TOP2B: variants seen among roughly 807,000 people sequenced by gnomAD.
TOP2B encodes DNA topoisomerase 2-beta.
Under a neutral mutation model 193.5 loss-of-function variants are expected in TOP2B, and 51 were observed. The ratio of observed to expected loss-of-function variants is 0.26; its 90% CI spans 0.21 to 0.33. The LOEUF (loss-of-function observed/expected upper bound fraction) is 0.33, where lower values mean the gene tolerates loss of function less well. TOP2B is among the 10% of genes least tolerant of loss of function. The pLI, the probability that TOP2B is intolerant of heterozygous loss-of-function variation, is 1.00. For missense variants in TOP2B, 1,378 were observed against 1,909.3 expected, an observed-to-expected ratio of 0.72 and a Z score of 5.19; for synonymous variants, 634 against 635.7, an observed-to-expected ratio of 1.00 and a Z score of 0.04.
chr3:25,602,498 TA>T (rs112030237), intron 33 of TOP2B, among the ~76,000 whole-genome samples: 48,248 of 140,302 alleles, frequency 0.34, 8,692 homozygotes, highest in African/African-American at 0.49. Context: ...AGACTTTGTT[TA>T]AAAAAAAAAA....
chr3:25,620,685 T>C lies in TOP2B; in HGVS notation c.2859A>G (p.Thr953=). 1 of 1,612,092 alleles carries C rather than the reference T, an allele frequency of 6.2e-7. No individual in the cohort carries two copies. The highest frequency in any genetic ancestry group is 8.5e-7 in the Non-Finnish European group (1 of 1,178,948). The change falls in exon 22 of 36, where the codon ACA becomes ACG. Residue 953 remains threonine, a synonymous_variant. Coordinates refer to ENST00000264331, the MANE Select transcript of TOP2B (RefSeq NM_001330700.2). ...EITELPVRTW[T]QVYKEQVLEP... is the part of the protein sequence containing the mutation. ...CAGATCACATATTTACACTGACCTG[T>C]GTCCAAGTTCTAACTGGAAGCTCTG...
In TOP2B at chr3:25,599,329, G is replaced by A. The variant is rs143364964; in HGVS notation, c.4710+106C>T. ...TACAAGCCCCATATTGATACGAGATGCTAGGTGGAAAGCTGTTCCAGGACT... is the reference window on the plus strand; with the variant it reads ...TACAAGCCCCATATTGATACGAGATACTAGGTGGAAAGCTGTTCCAGGACT... On this transcript the variant is annotated intron_variant, in intron 35 of 35. Coordinates refer to ENST00000264331, the MANE Select transcript of TOP2B (RefSeq NM_001330700.2). The A allele has an allele frequency of 5.5e-4, 507 of 928,978 alleles. No homozygotes were observed. In the African/African-American group the frequency reaches 7.7e-3, roughly 14 times the overall value. The allele number at this position is 928,978 out of a possible 1,614,324, so 57.5% of individuals were successfully genotyped here. A position where few individuals can be genotyped will look rare whatever the true frequency, so the allele number is the denominator to read the frequency against.
chr3:25,614,533 A>C (rs894347045), intron 27 of TOP2B, among the ~76,000 whole-genome samples: 1 of 152,102 alleles, frequency 6.6e-6, no homozygotes, highest in South Asian at 2.1e-4. Context: ...CAGCTAATTT[A>C]CCACACTTGT....
chr3:25,612,754 GA>G (rs1445376434), intron 27 of TOP2B, 45 bp from the exon 28 acceptor site: 2 of 1,455,052 alleles, frequency 1.4e-6, no homozygotes, highest in East Asian at 4.6e-5. Context: ...CAACTTCTTA[GA>G]AAAGATAATC....
rs2125362463 is a variant in TOP2B, at chr3:25,618,645, G to GT, written c.3259+8dup. The GT allele has an allele frequency of 3.1e-6, 5 of 1,591,090 alleles. No individual in the cohort carries two copies. The highest frequency in any genetic ancestry group is 4.3e-6 in the Non-Finnish European group (5 of 1,171,692). On this transcript the variant is annotated intron_variant, in intron 24 of 35. Transcript: ENST00000264331. ...ACTAATGTTCAAATTTTTAAAGGTT[G>GT]TATCTTACCTATAGTAATTTTCCCT...
chr3:25,657,700 A>G (rs569179399), intron 1 of TOP2B, among the ~76,000 whole-genome samples: 1 of 152,334 alleles, frequency 6.6e-6, no homozygotes, highest in African/African-American at 2.4e-5. Flanking sequence ...GTAATAAGAT[A>G]TCATGTTCTA....
At chr3:25,611,898 G>A (rs1702381063) in intron 28 of TOP2B, among the ~76,000 whole-genome samples, 1 of 151,492 alleles carries the variant, frequency 6.6e-6, no homozygotes, top group South Asian at 2.1e-4. Context: ...GGTTTTTGGA[G>A]GTTTTTGTTT....
chr3:25,602,273 T>C (rs550043557), intron 33 of TOP2B, among the ~76,000 whole-genome samples: 2 of 151,862 alleles, frequency 1.3e-5, no homozygotes, highest in African/African-American at 2.4e-5. Flanking sequence ...GGCGTGTGCC[T>C]GTAGTCGCAG....
At chr3:25,634,789 AAAAAAAAACC>A (rs1703056687) in intron 7 of TOP2B, among the ~76,000 whole-genome samples, 1 of 143,892 alleles carries the variant, frequency 6.9e-6, no homozygotes, top group Admixed American at 7.1e-5. Flanking sequence ...AAAAAAAAAA[AAAAAAAAACC>A]AAAAAAAGGC....
intron 10 of TOP2B, among the ~76,000 whole-genome samples, chr3:25,631,333 T>C (rs923708980): frequency 6.6e-6 from 1 of 152,100 alleles, no homozygotes; most frequent in Non-Finnish European, 1.5e-5. Flanking sequence ...CGTGAGTCTT[T>C]AATTCACTAT....
intron 1 of TOP2B, 134 bp downstream of exon 1, chr3:25,664,095 G>T: frequency 1.5e-6 from 2 of 1,316,762 alleles, no homozygotes; most frequent in Non-Finnish European, 2.1e-6. Context: ...GATTCTGCAA[G>T]CACAGGCCCC....
intron 1 of TOP2B, among the ~76,000 whole-genome samples, chr3:25,651,171 C>T (rs55978087): frequency 0.059 from 8,959 of 151,828 alleles, 359 homozygotes; most frequent in Middle Eastern, 0.092. Flanking sequence ...ATACAGATCA[C>T]TTAAATATAG....
chr3:25,664,522 G>A lies in TOP2B; in HGVS notation c.-225C>T. ...AAACTCGAGGCGCGGCGTCCGCGTC[G>A]CCCGGGCCTAGCGCGGCGGCTGAGG... On this transcript the variant is annotated 5_prime_UTR_variant, in exon 1 of 36. Transcript: ENST00000264331. 4 of 1,159,560 alleles carry A rather than the reference G, an allele frequency of 3.4e-6. No homozygotes were observed. Among genetic ancestry groups the A allele is most frequent in the South Asian group, 8.6e-5 (2 of 23,372 alleles). The allele number at this position is 1,159,560 out of a possible 1,614,324, so 71.8% of individuals were successfully genotyped here. A position where few individuals can be genotyped will look rare whatever the true frequency, so the allele number is the denominator to read the frequency against.
chr3:25,626,386 T>G (rs1413413167), intron 18 of TOP2B, among the ~76,000 whole-genome samples, 174 bp downstream of exon 18: 1 of 152,156 alleles, frequency 6.6e-6, no homozygotes, highest in African/African-American at 2.4e-5. Flanking sequence ...TTCAGCACTA[T>G]GAAAACATAA....
intron 6 of TOP2B, among the ~76,000 whole-genome samples, 199 bp from the exon 7 acceptor site, chr3:25,636,347 C>T (rs540066979): frequency 1.3e-5 from 2 of 152,100 alleles, no homozygotes; most frequent in African/African-American, 4.8e-5. Flanking sequence ...ACAGGTTCTA[C>T]ATTTGCAGAT....
chr3:25,664,633 C>A lies in TOP2B; in HGVS notation c.-336G>T. The stretch of plus-strand genomic sequence containing the variant: ...GGCGCCGCTGCAGGCCGGGCTGAAG[C>A]CCGGGCGTGCGAGCCGCGAGGGCGG... On this transcript the variant is annotated 5_prime_UTR_variant, in exon 1 of 36. Transcript: ENST00000264331. The A allele has an allele frequency of 1.0e-6, 1 of 990,504 alleles. No homozygotes were observed. The allele number at this position is 990,504 out of a possible 1,614,324, so 61.4% of individuals were successfully genotyped here.
rs1280895431 is a variant in TOP2B at position 25,615,258 on chromosome 3, A to G, written c.3538T>C (p.Ser1180Pro). Residue 1180 changes from serine to proline, a missense_variant, in exon 27 of 36, where the codon TCT (serine) becomes CCT (proline). Around this residue, in one of 9 missense-constraint regions of TOP2B, gnomAD observed 556 missense variants for 584.2 expected, o/e 0.95. Transcript: ENST00000264331. ...GREVNDLKRK[S>P]PSDLWKEDLA... ...TCCTCTTTCCAAAGATCTGAAGGAG[A>G]TTTTCTTTTAAGATCATTGACCTCT... 1 of 1,612,340 alleles carries G rather than the reference A, an allele frequency of 6.2e-7. No homozygotes were observed. Among genetic ancestry groups the G allele is most frequent in the Non-Finnish European group, 8.5e-7 (1 of 1,179,022 alleles).
intron 3 of TOP2B, among the ~76,000 whole-genome samples, chr3:25,643,000 T>C (rs991250571): frequency 6.6e-6 from 1 of 152,190 alleles, no homozygotes; most frequent in African/African-American, 2.4e-5. Flanking sequence ...AGTAAAATTA[T>C]AATATGGAGG....
At chr3:25,661,096 G>A (rs1387170479) in intron 1 of TOP2B, among the ~76,000 whole-genome samples, 2 of 151,678 alleles carry the variant, frequency 1.3e-5, no homozygotes, top group Non-Finnish European at 2.9e-5. Flanking sequence ...CGCCTCCAAG[G>A]TTCAAGCGAT....
Sources: gnomAD v4.1 joint callset for allele counts (sites outside exome capture counted in the v4.1 genomes callset) on GRCh38, gnomAD v4.1.1 for gene constraint, gnomAD v4.1.1 regional missense constraint, MANE v1.5 for transcripts, NCBI Gene and HGNC (gene_info 2026-07-23, HGNC 2026-07-21) for gene names.